The following GRIK4 variants were observed in gnomAD, a reference collection of about 807,000 sequenced individuals.
GRIK4 encodes the protein glutamate ionotropic receptor kainate type subunit 4.
A neutral mutation model predicts 104.9 loss-of-function variants in GRIK4; 40 were observed. That is an observed-to-expected ratio of 0.38 (90% confidence interval 0.30 to 0.50). GRIK4 has a LOEUF of 0.50. Among genes scored for constraint, GRIK4 ranks in the 20% least tolerant of loss-of-function variants. The probability of loss-of-function intolerance (pLI) is 0.93; values close to 1 mark genes in which losing one functional copy is unlikely to be tolerated. For synonymous variants in GRIK4, 485 were observed against 524.9 expected, an observed-to-expected ratio of 0.92 and a Z score of 1.04; for missense variants, 1,047 against 1,308.1, an observed-to-expected ratio of 0.80 and a Z score of 3.08.
intron 13 of GRIK4, among the ~76,000 whole-genome samples, chr11:120,933,363 A>T (rs1943521459): frequency 6.6e-6 from 1 of 152,174 alleles, no homozygotes; most frequent in Non-Finnish European, 1.5e-5. Flanking sequence ...CATCATTGTC[A>T]TCCCAACAGC....
chr11:120,926,261 T>A (rs1943343923), intron 13 of GRIK4, among the ~76,000 whole-genome samples: 1 of 152,202 alleles, frequency 6.6e-6, no homozygotes, highest in Admixed American at 6.5e-5. Context: ...TGCATATTAG[T>A]TTTTTAATCA....
intron 1 of GRIK4, among the ~76,000 whole-genome samples, chr11:120,604,995 C>T (rs4245038): frequency 0.027 from 4,096 of 152,190 alleles, 345 homozygotes; most frequent in East Asian, 0.17. Context: ...CCCGAGTAGC[C>T]GGGACCACTG....
intron 11 of GRIK4, among the ~76,000 whole-genome samples, chr11:120,877,234 G>T (rs942899773): frequency 6.6e-6 from 1 of 152,176 alleles, no homozygotes; most frequent in Non-Finnish European, 1.5e-5. Context: ...TTCGGGGATG[G>T]CATTTCACAA....
intron 13 of GRIK4, among the ~76,000 whole-genome samples, chr11:120,927,091 A>G (rs1036174524): frequency 2.0e-5 from 3 of 152,226 alleles, no homozygotes; most frequent in Admixed American, 2.0e-4. Context: ...TGTCATGTTC[A>G]GAAATCAGGA....
intron 3 of GRIK4, among the ~76,000 whole-genome samples, chr11:120,788,024 C>G (rs1047998810): frequency 6.6e-6 from 1 of 151,320 alleles, no homozygotes; most frequent in Non-Finnish European, 1.5e-5. Flanking sequence ...CACCACCACG[C>G]CCAGCTAATT....
intron 1 of GRIK4, among the ~76,000 whole-genome samples, chr11:120,568,179 AAAACAAAC>A (rs111560643): frequency 6.6e-6 from 1 of 152,160 alleles, no homozygotes; most frequent in African/African-American, 2.4e-5. Flanking sequence ...CCTTGCCTCA[AAAACAAAC>A]AAACAAACAA....
intron 3 of GRIK4, among the ~76,000 whole-genome samples, chr11:120,676,504 C>G (rs2135276729): frequency 6.6e-6 from 1 of 152,326 alleles, no homozygotes; most frequent in Middle Eastern, 3.4e-3. Flanking sequence ...TACTGCATCA[C>G]AACATGGCAG....
At chr11:120,901,277 A>C (rs370958597) in intron 12 of GRIK4, among the ~76,000 whole-genome samples, 2 of 152,038 alleles carry the variant, frequency 1.3e-5, no homozygotes, top group East Asian at 1.9e-4. Context: ...CTCCCCATGC[A>C]GCATGGGGTC....
intron 8 of GRIK4, among the ~76,000 whole-genome samples, chr11:120,837,274 C>T (rs577071501): frequency 8.2e-4 from 125 of 152,316 alleles, no homozygotes; most frequent in African/African-American, 1.6e-3. Flanking sequence ...TGTCTATGAA[C>T]AGTCCTTTCC....
chr11:120,617,551 G>A lies in GRIK4; in HGVS notation c.-158-36134G>A, dbSNP rs184175568. On this transcript the variant is annotated intron_variant, in intron 1 of 20. Coordinates refer to ENST00000527524, the MANE Select transcript of GRIK4 (RefSeq NM_014619.5). ...TGTGCCACTACACCTGGCTAATTTC[G>A]AAATTTTTTGTACAGACAGTGATAT... Among the ~76,000 whole-genome samples, 105 of 152,150 alleles carry A rather than the reference G, an allele frequency of 6.9e-4. 1 individual carries two copies. In the East Asian group the frequency reaches 0.014, roughly 20 times the overall value.
At chr11:120,753,315 G>GTA (rs1951591822) in intron 3 of GRIK4, among the ~76,000 whole-genome samples, 1 of 84,060 alleles carries the variant, frequency 1.2e-5, no homozygotes, top group South Asian at 6.8e-4. Context: ...GTGTGTGTGT[G>GTA]TGTGTGTGTG....
At chr11:120,938,478 T>C (rs1289783112) in intron 13 of GRIK4, among the ~76,000 whole-genome samples, 1 of 152,206 alleles carries the variant, frequency 6.6e-6, no homozygotes, top group African/African-American at 2.4e-5. Flanking sequence ...GACTGCTTTA[T>C]GGGGTGGAAC....
At chr11:120,552,771 G>A (rs968398398) in intron 1 of GRIK4, among the ~76,000 whole-genome samples, 7 of 152,058 alleles carry the variant, frequency 4.6e-5, no homozygotes, top group South Asian at 2.1e-4. Context: ...AGGCCAAGGC[G>A]GGTGGATCAC....
chr11:120,863,461 T>C, intron 9 of GRIK4, among the ~76,000 whole-genome samples: 1 of 152,256 alleles, frequency 6.6e-6, no homozygotes, highest in East Asian at 1.9e-4. Flanking sequence ...AATTGCCTGA[T>C]GATGCATTTC....
At chr11:120,669,107 T>G (rs1428532639) in intron 3 of GRIK4, among the ~76,000 whole-genome samples, 3 of 152,200 alleles carry the variant, frequency 2.0e-5, no homozygotes, top group African/African-American at 4.8e-5. Context: ...TTCTGGGAGA[T>G]GAGAATCCCC....
In GRIK4 at chr11:120,967,411, C is replaced by G; in HGVS notation, c.2395+88C>G. On this transcript the variant is annotated intron_variant, in intron 19 of 20. Transcript: ENST00000527524. This position sits in a 1 kb window ranked among gnomAD's most constrained non-coding sequence, Gnocchi z 4.2. ...TTCAAATTCCAGGTACACATAATGA[C>G]TTGTAGGACCCATTGAGAACGGCCT... is the stretch of plus-strand genomic sequence containing the variant. 1.4e-6 allele frequency: 2 copies of G among 1,392,938 alleles called. No homozygotes were observed. Among genetic ancestry groups the G allele is most frequent in the Non-Finnish European group, 2.0e-6 (2 of 1,022,924 alleles). 86.3% of individuals were successfully genotyped at this position (1,392,938 alleles called of 1,614,324 possible). A position where few individuals can be genotyped will look rare whatever the true frequency, so the allele number is the denominator to read the frequency against.
intron 3 of GRIK4, among the ~76,000 whole-genome samples, chr11:120,730,306 T>G (rs997131668): frequency 6.6e-6 from 1 of 152,070 alleles, no homozygotes; most frequent in African/African-American, 2.4e-5. Flanking sequence ...TACAGTGAGG[T>G]GCAATTGCGC....
intron 1 of GRIK4, among the ~76,000 whole-genome samples, chr11:120,533,462 C>G (rs1555135396): frequency 6.6e-6 from 1 of 152,210 alleles, no homozygotes; most frequent in Non-Finnish European, 1.5e-5. Context: ...TTCAGGGGTG[C>G]TGGCTCTCCC....
chr11:120,812,697 T>C (rs185591485), intron 4 of GRIK4, among the ~76,000 whole-genome samples: 3 of 152,318 alleles, frequency 2.0e-5, no homozygotes, highest in African/African-American at 7.2e-5. Context: ...CAGCCATGCA[T>C]CAGACTCCAA....
Sources: gnomAD v4.1 joint callset for allele counts (sites outside exome capture counted in the v4.1 genomes callset) on GRCh38, gnomAD v4.1.1 for gene constraint, Gnocchi (gnomAD v3.1) non-coding constraint, MANE v1.5 for transcripts, NCBI Gene and HGNC (gene_info 2026-07-23, HGNC 2026-07-21) for gene names.